Variants in FOXP2 observed in about 807,000 individuals in gnomAD.
FOXP2 encodes the protein forkhead box protein P2.
FOXP2 carries 12 observed loss-of-function variants against 115.8 expected under a neutral mutation model. That is an observed-to-expected ratio of 0.10 (90% CI 0.07 to 0.17). The LOEUF is 0.17. FOXP2 is among the 10% of genes least tolerant of loss of function. The pLI is 1.00. For missense variants in FOXP2, 629 were observed against 843.5 expected, an observed-to-expected ratio of 0.75 and a Z score of 3.15; for synonymous variants, 328 against 297.7, an observed-to-expected ratio of 1.10 and a Z score of -1.05.
At chr7:114,649,565 C>A (rs528823524) in intron 8 of FOXP2, among the ~76,000 whole-genome samples, 1 of 151,946 alleles carries the variant, frequency 6.6e-6, no homozygotes, top group Non-Finnish European at 1.5e-5. Flanking sequence ...AGAATAATTT[C>A]GGCACAAAAT....
At chr7:114,429,190 A>G (rs551428679) in intron 2 of FOXP2, among the ~76,000 whole-genome samples, 1 of 151,622 alleles carries the variant, frequency 6.6e-6, no homozygotes, top group Admixed American at 6.6e-5. Flanking sequence ...CGCATCAAAT[A>G]CTTAATGATA....
intron 1 of FOXP2, among the ~76,000 whole-genome samples, chr7:114,418,026 A>G (rs1160252903): frequency 1.3e-5 from 2 of 151,948 alleles, no homozygotes; most frequent in African/African-American, 4.8e-5. Flanking sequence ...CTGTGCATTC[A>G]GATTTTTGTG....
intron 2 of FOXP2, among the ~76,000 whole-genome samples, chr7:114,437,566 A>C (rs1794411353): frequency 6.6e-6 from 1 of 152,222 alleles, no homozygotes; most frequent in African/African-American, 2.4e-5. Context: ...TATTGTGAGG[A>C]GTAAGTGAAC....
intron 2 of FOXP2, among the ~76,000 whole-genome samples, chr7:114,373,667 TC>T (rs1792070605): frequency 6.6e-6 from 1 of 152,220 alleles, no homozygotes; most frequent in Middle Eastern, 3.2e-3. Context: ...AAGTGGACCA[TC>T]CAGATACCCA....
intron 1 of FOXP2, among the ~76,000 whole-genome samples, chr7:114,194,352 C>G (rs1212873402): frequency 6.6e-6 from 1 of 151,770 alleles, no homozygotes; most frequent in African/African-American, 2.4e-5. Flanking sequence ...TTTTTAAATC[C>G]TTTACCCTTT....
chr7:114,508,534 A>G (rs527985037), intron 2 of FOXP2, among the ~76,000 whole-genome samples: 1 of 152,178 alleles, frequency 6.6e-6, no homozygotes, highest in East Asian at 1.9e-4. Flanking sequence ...GAGAGCCCTT[A>G]TAGAACCCAA....
chr7:114,298,627 C>T (rs1173888860), intron 2 of FOXP2, among the ~76,000 whole-genome samples: 2 of 152,050 alleles, frequency 1.3e-5, no homozygotes, highest in Non-Finnish European at 2.9e-5. Flanking sequence ...ATAATTTGCC[C>T]AGTGTTACCT....
At chr7:114,152,911 A>C (rs1026836778) in intron 1 of FOXP2, among the ~76,000 whole-genome samples, 1 of 152,172 alleles carries the variant, frequency 6.6e-6, no homozygotes, top group African/African-American at 2.4e-5. Flanking sequence ...ACTGGAGTCG[A>C]CAACATGTCT....
chr7:114,120,301 A>G (rs1161810674), intron 1 of FOXP2, among the ~76,000 whole-genome samples: 1 of 152,136 alleles, frequency 6.6e-6, no homozygotes, highest in Non-Finnish European at 1.5e-5. Context: ...AAGTGTGGCT[A>G]AAGAAATTTA....
chr7:114,211,481 G>C (rs574161959), intron 1 of FOXP2, among the ~76,000 whole-genome samples: 3 of 152,216 alleles, frequency 2.0e-5, no homozygotes, highest in African/African-American at 7.2e-5. Context: ...TCCTGGATGG[G>C]CTGTCACCCC....
intron 1 of FOXP2, among the ~76,000 whole-genome samples, chr7:114,260,591 G>A (rs1009400916): frequency 9.2e-5 from 14 of 151,858 alleles, no homozygotes; most frequent in African/African-American, 3.4e-4. Context: ...CTACTATTTT[G>A]TTAGGTTTTT....
chr7:114,288,031 G>T, exon 2 of FOXP2: 1 of 453,176 alleles, frequency 2.2e-6, no homozygotes, highest in Non-Finnish European at 4.4e-6. Context: ...CTACTCTAAT[G>T]TGATGCTGGG....
At chr7:114,257,451 C>CTTTTTTTTTTTTTTTTTTT (rs35852445) in intron 1 of FOXP2, among the ~76,000 whole-genome samples, 1 of 92,192 alleles carries the variant, frequency 1.1e-5, no homozygotes, top group African/African-American at 4.5e-5. Flanking sequence ...TCTTTTCTTT[C>CTTTTTTTTTTTTTTTTTTT]TTTTTTTTTT....
chr7:114,625,706 G>A (rs1804529820), intron 3 of FOXP2, among the ~76,000 whole-genome samples: 1 of 151,726 alleles, frequency 6.6e-6, no homozygotes, highest in African/African-American at 2.4e-5. Flanking sequence ...TTCTCAAATT[G>A]CAAGTGGACG....
intron 1 of FOXP2, among the ~76,000 whole-genome samples, chr7:114,278,045 AAAAG>A (rs1796231994): frequency 6.6e-6 from 1 of 150,848 alleles, no homozygotes; most frequent in Non-Finnish European, 1.5e-5. Flanking sequence ...AAAAAAAAAA[AAAAG>A]AATTCATCCG....
intron 1 of FOXP2, among the ~76,000 whole-genome samples, chr7:114,274,475 T>C (rs1033732888): frequency 2.0e-5 from 3 of 152,140 alleles, no homozygotes; most frequent in South Asian, 2.1e-4. Flanking sequence ...TTAACATTTC[T>C]TGGAAGGCAG....
intron 1 of FOXP2, among the ~76,000 whole-genome samples, chr7:114,182,263 AC>A (rs1215947064): frequency 6.6e-6 from 1 of 151,948 alleles, no homozygotes; most frequent in African/African-American, 2.4e-5. Flanking sequence ...TTTAATGGAA[AC>A]CATTAATTTG....
chr7:114,272,293 G>C (rs1796083497), intron 1 of FOXP2, among the ~76,000 whole-genome samples: 1 of 151,172 alleles, frequency 6.6e-6, no homozygotes, highest in African/African-American at 2.4e-5. Flanking sequence ...TTAATATTTT[G>C]TTGAAGATTT....
At chr7:114,135,949 T>C (rs1184494517) in intron 1 of FOXP2, among the ~76,000 whole-genome samples, 1 of 152,116 alleles carries the variant, frequency 6.6e-6, no homozygotes, top group African/African-American at 2.4e-5. Context: ...TTATGTTTTT[T>C]TCATGTTTTG....
Sources: allele counts gnomAD v4.1 joint callset (sites outside exome capture counted in the v4.1 genomes callset), GRCh38; gene constraint gnomAD v4.1.1; transcripts MANE v1.5; gene names NCBI Gene and HGNC (gene_info 2026-07-23, HGNC 2026-07-21).